CNTNAP5: variants seen among roughly 807,000 people sequenced by gnomAD.
CNTNAP5 encodes contactin-associated protein-like 5.
CNTNAP5 carries 72 observed loss-of-function variants against 150.2 expected under a neutral mutation model. That is an observed-to-expected ratio of 0.48 (90% CI 0.40 to 0.58). The LOEUF (loss-of-function observed/expected upper bound fraction) is 0.58, where lower values mean the gene tolerates loss of function less well. Ranked by LOEUF, CNTNAP5 falls within the 20% of genes least tolerant of loss-of-function variation. CNTNAP5 has a pLI of 0.00. For synonymous variants in CNTNAP5, 672 were observed against 619.8 expected, an observed-to-expected ratio of 1.08 and a Z score of -1.25; for missense variants, 1,636 against 1,626.2, an observed-to-expected ratio of 1.01 and a Z score of -0.10.
In CNTNAP5 at chr2:124,896,937, C is replaced by A. The variant is rs149082826; in HGVS notation, c.3437-5945C>A. On this transcript the variant is annotated intron_variant, in intron 21 of 23. Coordinates refer to ENST00000682447, the MANE Select transcript of CNTNAP5 (RefSeq NM_001367498.1). The stretch of plus-strand genomic sequence containing the variant: ...CAGAGTTAACTTCATTTTTCAGTGT[C>A]TTAAACGTGACGCACTACTTCTCTC... Among the ~76,000 whole-genome samples the A allele has an allele frequency of 5.6e-3, 853 of 151,650 alleles. 44 individuals are homozygous for A. Among genetic ancestry groups the A allele is most frequent in the African/African-American group, 0.019 (797 of 40,992 alleles).
intron 13 of CNTNAP5, among the ~76,000 whole-genome samples, chr2:124,723,925 C>T (rs1383671219): frequency 6.6e-6 from 1 of 150,404 alleles, no homozygotes; most frequent in Non-Finnish European, 1.5e-5. Flanking sequence ...GTGGGTGGAT[C>T]ACAAGGGCAG....
chr2:124,106,827 A>G lies in CNTNAP5; in HGVS notation c.82+81095A>G, dbSNP rs1463394089. Among the ~76,000 whole-genome samples, 3 of 152,264 alleles carry G rather than the reference A, an allele frequency of 2.0e-5. No individual in the cohort carries two copies. The South Asian group carries it at 6.2e-4, about 32-fold the overall frequency. ...GGGGCTGGCACTTGAAGCTGGAGCC[A>G]TCGTATGGGACTGAGTCCTTAACCT... On this transcript the variant is annotated intron_variant, in intron 1 of 23. Coordinates refer to ENST00000682447, the MANE Select transcript of CNTNAP5 (RefSeq NM_001367498.1).
chr2:124,074,551 A>G (rs1682391155), intron 1 of CNTNAP5, among the ~76,000 whole-genome samples: 2 of 152,124 alleles, frequency 1.3e-5, no homozygotes, highest in Admixed American at 1.3e-4. Context: ...TGTCATGGCG[A>G]GGCTGTTGCA....
At chr2:124,797,737 A>C (rs1007316572) in intron 18 of CNTNAP5, among the ~76,000 whole-genome samples, 1 of 152,176 alleles carries the variant, frequency 6.6e-6, no homozygotes, top group Non-Finnish European at 1.5e-5. Flanking sequence ...TCTATGCACT[A>C]TGCTGGAGGC....
intron 1 of CNTNAP5, among the ~76,000 whole-genome samples, chr2:124,098,702 G>T (rs746316314): frequency 1.9e-4 from 29 of 151,918 alleles, no homozygotes. Context: ...AGCCTGAGCC[G>T]TACTCTCTGT....
chr2:124,883,500 G>A (rs973135320), intron 21 of CNTNAP5, among the ~76,000 whole-genome samples: 13 of 151,952 alleles, frequency 8.6e-5, no homozygotes, highest in African/African-American at 2.2e-4. Flanking sequence ...TTTTATACAC[G>A]GAGACACCAA....
intron 1 of CNTNAP5, among the ~76,000 whole-genome samples, chr2:124,057,432 C>A (rs1681882261): frequency 8.7e-6 from 1 of 114,404 alleles, no homozygotes; most frequent in Non-Finnish European, 1.8e-5. Flanking sequence ...CAGGCACCCA[C>A]CAGCACGGCC....
chr2:124,450,438 A>G (rs1692939003), intron 6 of CNTNAP5, among the ~76,000 whole-genome samples: 1 of 151,790 alleles, frequency 6.6e-6, no homozygotes, highest in Non-Finnish European at 1.5e-5. Flanking sequence ...CAATCAAGTG[A>G]CACAATGACT....
intron 1 of CNTNAP5, among the ~76,000 whole-genome samples, chr2:124,098,241 A>G (rs1195587465): frequency 6.6e-6 from 1 of 152,242 alleles, no homozygotes; most frequent in African/African-American, 2.4e-5. Context: ...CAAAAGGAAG[A>G]CAACATATAT....
chr2:124,661,272 C>T (rs769705720), intron 13 of CNTNAP5, among the ~76,000 whole-genome samples: 6 of 152,124 alleles, frequency 3.9e-5, no homozygotes, highest in African/African-American at 9.7e-5. Flanking sequence ...ACACATTGCA[C>T]ATCTGTACAA....
At chr2:124,812,895 C>T (rs1416253750) in intron 19 of CNTNAP5, among the ~76,000 whole-genome samples, 1 of 152,146 alleles carries the variant, frequency 6.6e-6, no homozygotes, top group African/African-American at 2.4e-5. Flanking sequence ...ACTCATATTT[C>T]ACTCAGAATA....
Position 124,648,054 on chromosome 2 carries a change from T to A in CNTNAP5, c.2077+96T>A. On this transcript the variant is annotated intron_variant, in intron 13 of 23. Transcript: ENST00000682447. ...AAATTTGCCAAGAAGGGGGCTATAG[T>A]TACAGTTAGTCACTGTGCACTCGAG... 2.8e-6 allele frequency: 3 copies of A among 1,082,556 alleles called. No individual in the cohort carries two copies. The South Asian group carries it at 4.6e-5, about 17-fold the overall frequency. The allele number at this position is 1,082,556 out of a possible 1,614,324, so 67.1% of individuals were successfully genotyped here. A position where few individuals can be genotyped will look rare whatever the true frequency, so the allele number is the denominator to read the frequency against.
intron 12 of CNTNAP5, among the ~76,000 whole-genome samples, chr2:124,626,892 G>C (rs928339276): frequency 1.3e-5 from 2 of 152,122 alleles, no homozygotes; most frequent in African/African-American, 4.8e-5. Flanking sequence ...CATCATTACT[G>C]TGGCTTTAGT....
intron 1 of CNTNAP5, among the ~76,000 whole-genome samples, chr2:124,109,356 C>G (rs1683245692): frequency 6.6e-6 from 1 of 152,224 alleles, no homozygotes; most frequent in East Asian, 1.9e-4. Context: ...AGGCGAGGCC[C>G]AGGCACACAC....
At chr2:124,586,232 T>C (rs1220777155) in intron 11 of CNTNAP5, among the ~76,000 whole-genome samples, 2 of 152,244 alleles carry the variant, frequency 1.3e-5, no homozygotes, top group East Asian at 3.8e-4. Context: ...TCTTTAGAGA[T>C]TATTTTCTAG....
intron 1 of CNTNAP5, among the ~76,000 whole-genome samples, chr2:124,073,047 T>A (rs1682347777): frequency 1.3e-5 from 2 of 151,978 alleles, no homozygotes. Flanking sequence ...AACCCAGAAA[T>A]GAATTCATAC....
At chr2:124,163,444 G>A (rs1310410308) in intron 1 of CNTNAP5, among the ~76,000 whole-genome samples, 1 of 152,090 alleles carries the variant, frequency 6.6e-6, no homozygotes, top group East Asian at 1.9e-4. Flanking sequence ...TGTCAAGATG[G>A]GATTAGCATG....
At chr2:124,250,443 A>G (rs1274715376) in intron 3 of CNTNAP5, among the ~76,000 whole-genome samples, 1 of 152,046 alleles carries the variant, frequency 6.6e-6, no homozygotes, top group Non-Finnish European at 1.5e-5. Flanking sequence ...CCTGGGGGAG[A>G]GGCCCAGAGG....
intron 13 of CNTNAP5, among the ~76,000 whole-genome samples, chr2:124,735,314 G>A (rs1475944526): frequency 6.6e-6 from 1 of 152,080 alleles, no homozygotes; most frequent in African/African-American, 2.4e-5. Flanking sequence ...CTGATTCCCA[G>A]TTACATGATT....
Sources: allele counts gnomAD v4.1 joint callset (sites outside exome capture counted in the v4.1 genomes callset), GRCh38; gene constraint gnomAD v4.1.1; transcripts MANE v1.5; gene names NCBI Gene and HGNC (gene_info 2026-07-23, HGNC 2026-07-21).